Variants in PRKG1 observed in about 807,000 individuals in gnomAD.
The protein encoded by PRKG1 is protein kinase cGMP-dependent 1, also known as cGMP-dependent protein kinase 1.
In PRKG1, 35 loss-of-function variants were observed where a neutral mutation model predicts 88.1. That is an observed-to-expected ratio of 0.40 (90% CI 0.30 to 0.53). PRKG1 has a LOEUF of 0.53. Ranked by LOEUF, PRKG1 falls within the 20% of genes least tolerant of loss-of-function variation. PRKG1 has a pLI of 0.59. For missense variants in PRKG1, 540 were observed against 839.8 expected, an observed-to-expected ratio of 0.64 and a Z score of 4.41; for synonymous variants, 303 against 292.5, an observed-to-expected ratio of 1.04 and a Z score of -0.37.
At chr10:51,967,083 T>C (rs11000319) in intron 5 of PRKG1, among the ~76,000 whole-genome samples, 32,945 of 152,080 alleles carry the variant, frequency 0.22, 4,572 homozygotes, top group East Asian at 0.66. Flanking sequence ...GGATTATAAA[T>C]GTTGCTGCTA....
chr10:51,021,158 C>T (rs955147189), intron 1 of PRKG1, among the ~76,000 whole-genome samples: 2 of 152,102 alleles, frequency 1.3e-5, no homozygotes, highest in Non-Finnish European at 2.9e-5. Context: ...ATATGGTACA[C>T]TCTTTAATCA....
At chr10:51,436,879 A>G (rs1036119471) in intron 2 of PRKG1, among the ~76,000 whole-genome samples, 24 of 152,146 alleles carry the variant, frequency 1.6e-4, no homozygotes, top group African/African-American at 5.5e-4. Context: ...TCAAATGAGA[A>G]TAAAATAATG....
In PRKG1 at chr10:51,466,863, G is replaced by A. The variant is rs147791713; in HGVS notation, c.479-860G>A. 3.5e-3 allele frequency among the ~76,000 whole-genome samples: 532 copies of A among 152,176 alleles called. 3 individuals carry two copies. The highest frequency in any genetic ancestry group is 0.02 in the Middle Eastern group (6 of 294). On this transcript the variant is annotated intron_variant, in intron 2 of 17. Transcript: ENST00000373980. ...TTGCCAGGCATTAAGCTTCTCTTCTGTAGACTGTGGATAAATAACTTGGAG... is the reference window on the plus strand; with the variant it reads ...TTGCCAGGCATTAAGCTTCTCTTCTATAGACTGTGGATAAATAACTTGGAG...
At chr10:51,769,385 C>T (rs1439664117) in intron 3 of PRKG1, among the ~76,000 whole-genome samples, 1 of 152,020 alleles carries the variant, frequency 6.6e-6, no homozygotes, top group Non-Finnish European at 1.5e-5. Context: ...AGAAATTAAG[C>T]CAAAATTCAA....
intron 5 of PRKG1, among the ~76,000 whole-genome samples, chr10:51,972,541 C>T (rs960239147): frequency 1.3e-5 from 2 of 152,172 alleles, no homozygotes; most frequent in African/African-American, 4.8e-5. Context: ...GTTCTCATTT[C>T]CCTACATGCA....
chr10:52,101,711 T>C (rs76895253), intron 7 of PRKG1, among the ~76,000 whole-genome samples: 10,733 of 152,246 alleles, frequency 0.07, 572 homozygotes, highest in East Asian at 0.31. Context: ...TGAAATACCT[T>C]GGCCAAGGCG....
chr10:51,931,526 C>T (rs1842695409), intron 5 of PRKG1, among the ~76,000 whole-genome samples: 1 of 152,134 alleles, frequency 6.6e-6, no homozygotes, highest in African/African-American at 2.4e-5. Context: ...AGACCAATCC[C>T]CTCATGTTAT....
chr10:51,089,109 A>G (rs943828255), intron 1 of PRKG1, among the ~76,000 whole-genome samples: 7 of 152,084 alleles, frequency 4.6e-5, no homozygotes, highest in African/African-American at 1.7e-4. Flanking sequence ...TCAGATTGGG[A>G]TTACAGTCAT....
intron 1 of PRKG1, among the ~76,000 whole-genome samples, chr10:51,019,901 A>G (rs1194179115): frequency 6.6e-6 from 1 of 152,124 alleles, no homozygotes; most frequent in Non-Finnish European, 1.5e-5. Flanking sequence ...AAAAAATGCT[A>G]AACATCACTA....
chr10:51,280,265 G>A (rs970652092), intron 2 of PRKG1, among the ~76,000 whole-genome samples: 7 of 152,140 alleles, frequency 4.6e-5, no homozygotes, highest in African/African-American at 7.2e-5. Flanking sequence ...GCTTCCCTTC[G>A]TGGGTAACCT....
chr10:51,259,926 C>T (rs1294840768), intron 2 of PRKG1, among the ~76,000 whole-genome samples: 1 of 152,186 alleles, frequency 6.6e-6, no homozygotes, highest in East Asian at 1.9e-4. Context: ...ATATGCTTGA[C>T]TTATTTATTA....
chr10:51,017,500 A>G (rs1006799105), intron 1 of PRKG1, among the ~76,000 whole-genome samples: 2 of 152,210 alleles, frequency 1.3e-5, no homozygotes, highest in South Asian at 2.1e-4. Flanking sequence ...GCTTTGTAAC[A>G]CTTATGTGTA....
At chr10:51,078,164 G>T (rs545910625) in intron 1 of PRKG1, among the ~76,000 whole-genome samples, 3 of 152,162 alleles carry the variant, frequency 2.0e-5, no homozygotes, top group Admixed American at 6.5e-5. Context: ...TAGTGTCTTT[G>T]TATTTTTGTA....
At chr10:52,017,152 A>C (rs1050761503) in intron 5 of PRKG1, among the ~76,000 whole-genome samples, 1 of 152,224 alleles carries the variant, frequency 6.6e-6, no homozygotes, top group Non-Finnish European at 1.5e-5. Context: ...GAGAGATACA[A>C]ATTTTGAAGG....
intron 3 of PRKG1, among the ~76,000 whole-genome samples, chr10:51,689,376 A>G (rs1841079867): frequency 6.6e-6 from 1 of 152,188 alleles, no homozygotes; most frequent in Admixed American, 6.5e-5. Context: ...GCCTATATGC[A>G]TATTCATATA....
intron 9 of PRKG1, among the ~76,000 whole-genome samples, chr10:52,189,860 G>T (rs1183325922): frequency 6.6e-6 from 1 of 152,178 alleles, no homozygotes; most frequent in African/African-American, 2.4e-5. Context: ...GATTTATCCT[G>T]CCATTGAGGG....
chr10:51,034,474 TAC>T (rs1403508704), intron 1 of PRKG1, among the ~76,000 whole-genome samples: 1 of 151,740 alleles, frequency 6.6e-6, no homozygotes, highest in African/African-American at 2.4e-5. Context: ...CCTTAATTTT[TAC>T]AGTCTTTCAA....
intron 3 of PRKG1, among the ~76,000 whole-genome samples, chr10:51,516,476 G>A (rs1841589585): frequency 6.6e-6 from 1 of 152,122 alleles, no homozygotes; most frequent in African/African-American, 2.4e-5. Flanking sequence ...CAGGCACACA[G>A]GGATAGAAGT....
At chr10:51,740,771 A>G (rs1837412807) in intron 3 of PRKG1, among the ~76,000 whole-genome samples, 1 of 152,210 alleles carries the variant, frequency 6.6e-6, no homozygotes, top group Non-Finnish European at 1.5e-5. Context: ...TCTTGCTGCC[A>G]TAATATTTTT....
Sources: gnomAD v4.1 joint callset for allele counts (sites outside exome capture counted in the v4.1 genomes callset) on GRCh38, gnomAD v4.1.1 for gene constraint, MANE v1.5 for transcripts, NCBI Gene and HGNC (gene_info 2026-07-23, HGNC 2026-07-21) for gene names.